HFM1: variants seen among roughly 807,000 people sequenced by gnomAD.
HFM1 encodes the protein helicase for meiosis 1.
In HFM1, 169 loss-of-function variants were observed where a neutral mutation model predicts 192.1. That is an observed-to-expected ratio of 0.88 (90% CI 0.78 to 1.00). HFM1 has a LOEUF of 1.00. Ranked by LOEUF, HFM1 falls within the 50% of genes least tolerant of loss-of-function variation. HFM1 has a pLI of 0.00. For synonymous variants in HFM1, 525 were observed against 537.8 expected, an observed-to-expected ratio of 0.98 and a Z score of 0.33; for missense variants, 1,661 against 1,668.0, an observed-to-expected ratio of 1.00 and a Z score of 0.07.
At chr1:91,263,905 A>G (rs954330403) in intron 36 of HFM1, among the ~76,000 whole-genome samples, 8 of 152,088 alleles carry the variant, frequency 5.3e-5, no homozygotes, top group African/African-American at 1.9e-4. Context: ...GTTGTTTTTT[A>G]AAGGTGTGGT....
At chr1:91,324,005 CT>C (rs984529290) in intron 21 of HFM1, among the ~76,000 whole-genome samples, 17 of 152,070 alleles carry the variant, frequency 1.1e-4, no homozygotes, top group African/African-American at 3.9e-4. Context: ...TAAATATTTT[CT>C]TTTATGAATA....
chr1:91,293,691 C>A (rs1229905920), intron 30 of HFM1, among the ~76,000 whole-genome samples: 2 of 151,770 alleles, frequency 1.3e-5, no homozygotes, highest in Non-Finnish European at 2.9e-5. Context: ...CAGCCATCCC[C>A]TTACTAGGTA....
At chr1:91,332,517 G>A (rs113042036) in intron 20 of HFM1, among the ~76,000 whole-genome samples, 15,061 of 152,080 alleles carry the variant, frequency 0.099, 785 homozygotes, top group East Asian at 0.16. Context: ...GAAAATATTA[G>A]GGAAACTCTC....
chr1:91,324,514 A>G (rs1407804618), intron 21 of HFM1, among the ~76,000 whole-genome samples, 161 bp downstream of exon 21: 3 of 152,264 alleles, frequency 2.0e-5, no homozygotes, highest in Admixed American at 6.5e-5. Context: ...AGACTATTCC[A>G]TATCTCATGA....
intron 34 of HFM1, among the ~76,000 whole-genome samples, chr1:91,271,057 T>G (rs995275108): frequency 1.3e-5 from 2 of 152,124 alleles, no homozygotes; most frequent in Non-Finnish European, 2.9e-5. Flanking sequence ...ACAATTCTAC[T>G]GGATCCTAGT....
chr1:91,276,528 A>C (rs1666833387), intron 32 of HFM1, 100 bp downstream of exon 32: 2 of 469,694 alleles, frequency 4.3e-6, no homozygotes, highest in South Asian at 1.2e-4. Context: ...CCCACAAGTA[A>C]TTCTATAGTA....
At chr1:91,316,010 AC>A in intron 27 of HFM1, 38 bp from the exon 28 acceptor site, 2 of 1,521,388 alleles carry the variant, frequency 1.3e-6, no homozygotes. Flanking sequence ...GTTAAAAATA[AC>A]CTTACTTCTC....
chr1:91,319,341 T>G lies in HFM1; in HGVS notation c.2632A>C (p.Thr878Pro), dbSNP rs976430829. The G allele has an allele frequency of 3.1e-6, 5 of 1,613,144 alleles. No homozygotes were observed. The highest frequency in any genetic ancestry group is 4.2e-6 in the Non-Finnish European group (5 of 1,179,296). The change falls in exon 24 of 39, where the codon ACA (threonine) becomes CCA (proline). Residue 878 changes from threonine to proline, a missense_variant. Thr to Pro is a conservative substitution (Grantham distance 38, BLOSUM62 -1). Transcript: ENST00000370425. ...GCIPIQDFAL[T>P]QDTAKIFRHG... Reference sequence around the variant, plus strand: ...CTGAAAATCTTTGCGGTATCTTGTGTCAAAGCAAAATCTTGTATGGGAATG... The same window carrying G: ...CTGAAAATCTTTGCGGTATCTTGTGGCAAAGCAAAATCTTGTATGGGAATG...
At chr1:91,276,406 A>G (rs1382037995) in intron 32 of HFM1, among the ~76,000 whole-genome samples, 4 of 152,184 alleles carry the variant, frequency 2.6e-5, no homozygotes, top group Admixed American at 6.5e-5. Flanking sequence ...GCACTTTGGC[A>G]TATTCTTGGT....
chr1:91,381,510 T>C (rs1661549703), intron 6 of HFM1, among the ~76,000 whole-genome samples: 2 of 152,180 alleles, frequency 1.3e-5, no homozygotes, highest in Non-Finnish European at 2.9e-5. Context: ...ATCAACATAC[T>C]GGCTTGACAG....
intron 30 of HFM1, among the ~76,000 whole-genome samples, chr1:91,285,061 G>A (rs1196922615): frequency 2.0e-5 from 3 of 151,976 alleles, no homozygotes; most frequent in South Asian, 2.1e-4. Context: ...CTCTCCTTTC[G>A]GCTGGCTCTC....
chr1:91,377,757 T>A (rs972969905), intron 11 of HFM1: 7 of 424,804 alleles, frequency 1.6e-5, no homozygotes, highest in Admixed American at 1.3e-4. Flanking sequence ...GAAGTTACTA[T>A]GAGGCACCTG....
At chr1:91,262,171 G>T in intron 38 of HFM1, 70 bp downstream of exon 38, 1 of 683,666 alleles carries the variant, frequency 1.5e-6, no homozygotes, top group Non-Finnish European at 2.3e-6. Flanking sequence ...AAAGGAAAAC[G>T]GAAGGCTGAA....
chr1:91,286,559 T>C (rs990890809), intron 30 of HFM1, among the ~76,000 whole-genome samples: 1 of 152,212 alleles, frequency 6.6e-6, no homozygotes, highest in Non-Finnish European at 1.5e-5. Flanking sequence ...ACCAGTCATA[T>C]TGGATTAGGA....
At chr1:91,299,050 C>T (rs911882815) in intron 30 of HFM1, among the ~76,000 whole-genome samples, 35 of 152,146 alleles carry the variant, frequency 2.3e-4, no homozygotes, top group Admixed American at 9.8e-4. Context: ...ACCCATCTCA[C>T]GTGCAGAGAC....
intron 4 of HFM1, among the ~76,000 whole-genome samples, 159 bp from the exon 5 acceptor site, chr1:91,385,993 A>T: frequency 6.6e-6 from 1 of 152,234 alleles, no homozygotes; most frequent in Non-Finnish European, 1.5e-5. Context: ...TTGCTAGTTT[A>T]CCACTGAAGT....
intron 25 of HFM1, among the ~76,000 whole-genome samples, chr1:91,317,157 G>A (rs1388417947): frequency 6.6e-6 from 1 of 152,138 alleles, no homozygotes; most frequent in African/African-American, 2.4e-5. Flanking sequence ...GCTCACACCT[G>A]TAATCCCAGC....
At chr1:91,388,334 C>T (rs1662504415) in intron 4 of HFM1, among the ~76,000 whole-genome samples, 1 of 152,160 alleles carries the variant, frequency 6.6e-6, no homozygotes, top group African/African-American at 2.4e-5. Context: ...AGAACTGAGC[C>T]TTCAACCTGT....
intron 25 of HFM1, among the ~76,000 whole-genome samples, chr1:91,317,528 A>G (rs1651440428): frequency 6.6e-6 from 1 of 152,232 alleles, no homozygotes; most frequent in Admixed American, 6.5e-5. Context: ...CTTATGAATG[A>G]ATTTATCCAA....
Sources: gnomAD v4.1 joint callset for allele counts (sites outside exome capture counted in the v4.1 genomes callset) on GRCh38, gnomAD v4.1.1 for gene constraint, MANE v1.5 for transcripts, NCBI Gene and HGNC (gene_info 2026-07-23, HGNC 2026-07-21) for gene names.